GMDS: variants seen among roughly 807,000 people sequenced by gnomAD.
GMDS encodes the protein GDP-mannose 4,6 dehydratase.
A neutral mutation model predicts 49.9 loss-of-function variants in GMDS; 20 were observed. The ratio of observed to expected loss-of-function variants is 0.40; its 90% CI spans 0.28 to 0.58. The LOEUF is 0.58. Ranked by LOEUF, GMDS falls within the 20% of genes least tolerant of loss-of-function variation. The probability of loss-of-function intolerance (pLI) is 0.42; values close to 1 mark genes in which losing one functional copy is unlikely to be tolerated. For synonymous variants in GMDS, 177 were observed against 178.6 expected (o/e 0.99, Z 0.07); for missense variants, 362 against 481.4 (o/e 0.75, Z 2.32).
intron 1 of GMDS, among the ~76,000 whole-genome samples, chr6:2,239,503 C>T (rs1057174104): frequency 3.3e-5 from 5 of 152,098 alleles, no homozygotes; most frequent in Non-Finnish European, 7.4e-5. Flanking sequence ...TAAGAATAAC[C>T]AGGTAACCCT....
chr6:2,170,336 C>G (rs960915733), intron 1 of GMDS, among the ~76,000 whole-genome samples: 1 of 152,050 alleles, frequency 6.6e-6, no homozygotes. Context: ...TAAATAGAAG[C>G]ACAATTAGGC....
Position 2,115,802 on chromosome 6 carries a change from A to G in GMDS, c.314T>C (p.Ile105Thr). 6.2e-7 allele frequency: 1 copy of G among 1,604,716 alleles called. No homozygotes were observed. The highest frequency in any genetic ancestry group is 8.5e-7 in the Non-Finnish European group (1 of 1,171,608). The stretch of plus-strand genomic sequence containing the variant: ...GTGGCTCTGGGCTCCAAGGTTGTAG[A>G]TCTCTGTGGGCTTTACTTCATTAAT... ...KIINEVKPTE[I>T]YNLGAQSHVK... Residue 105 changes from isoleucine to threonine, a missense_variant, in exon 4 of 11, where the codon ATC (isoleucine) becomes ACC (threonine). Transcript: ENST00000380815.
At chr6:1,870,713 T>C (rs1451806649) in intron 7 of GMDS, among the ~76,000 whole-genome samples, 1 of 152,204 alleles carries the variant, frequency 6.6e-6, no homozygotes, top group Non-Finnish European at 1.5e-5. Flanking sequence ...AAGACACACC[T>C]ATGAAGTTTA....
intron 7 of GMDS, among the ~76,000 whole-genome samples, chr6:1,865,269 C>G (rs562113943): frequency 6.6e-6 from 1 of 152,150 alleles, no homozygotes; most frequent in Admixed American, 6.5e-5. Flanking sequence ...TTTCTCCAAC[C>G]TAGCAGATTT....
chr6:1,696,915 A>C (rs1765364859), intron 9 of GMDS, among the ~76,000 whole-genome samples: 1 of 152,236 alleles, frequency 6.6e-6, no homozygotes, highest in Admixed American at 6.5e-5. Context: ...CACTTTTACC[A>C]TCTGTGACCC....
chr6:1,910,323 AAG>A (rs1489624785), intron 7 of GMDS, among the ~76,000 whole-genome samples: 1 of 151,252 alleles, frequency 6.6e-6, no homozygotes, highest in African/African-American at 2.5e-5. Flanking sequence ...TGAAAAAAAA[AAG>A]AAGATGATAC....
chr6:2,135,663 T>C (rs1775959505), intron 1 of GMDS, among the ~76,000 whole-genome samples: 1 of 152,202 alleles, frequency 6.6e-6, no homozygotes, highest in Non-Finnish European at 1.5e-5. Flanking sequence ...ATTCATTCAC[T>C]ACATACTTCT....
chr6:1,957,423 A>G (rs903654118), intron 6 of GMDS, among the ~76,000 whole-genome samples: 2 of 152,252 alleles, frequency 1.3e-5, no homozygotes, highest in Non-Finnish European at 2.9e-5. Flanking sequence ...TTAATGATCA[A>G]GTTTTAAGAA....
chr6:1,753,162 T>C (rs1476068964), intron 7 of GMDS, among the ~76,000 whole-genome samples: 49 of 151,954 alleles, frequency 3.2e-4, no homozygotes, highest in Admixed American at 3.1e-3. Flanking sequence ...AAGACACACA[T>C]AGGCTCAAAA....
intron 1 of GMDS, among the ~76,000 whole-genome samples, chr6:2,145,641 AT>A (rs1430788571): frequency 6.6e-6 from 1 of 152,186 alleles, no homozygotes; most frequent in Admixed American, 6.5e-5. Context: ...CAGATGGAAA[AT>A]ATTCAGAAAA....
At chr6:1,938,920 ACCCTTCCTTCTT>A (rs1561906737) in intron 6 of GMDS, among the ~76,000 whole-genome samples, 1 of 149,422 alleles carries the variant, frequency 6.7e-6, no homozygotes, top group Admixed American at 6.7e-5. Flanking sequence ...CGGCCATTTA[ACCCTTCCTTCTT>A]CCCTTCCTTC....
intron 9 of GMDS, among the ~76,000 whole-genome samples, chr6:1,666,374 C>T (rs985698209): frequency 2.0e-5 from 3 of 152,128 alleles, no homozygotes; most frequent in African/African-American, 7.2e-5. Flanking sequence ...AAGAATATTT[C>T]TTATTTATGG....
intron 8 of GMDS, among the ~76,000 whole-genome samples, chr6:1,732,347 A>G (rs1240092297): frequency 6.6e-6 from 1 of 152,194 alleles, no homozygotes; most frequent in East Asian, 1.9e-4. Context: ...AAATAAAAAT[A>G]AAAAAAGATA....
At chr6:2,124,767 C>T in intron 1 of GMDS, 36 bp from the exon 2 acceptor site, 3 of 1,543,702 alleles carry the variant, frequency 1.9e-6, no homozygotes, top group Non-Finnish European at 2.7e-6. Context: ...ACGTCAGTCT[C>T]ATAGTGGTAT....
At chr6:2,040,977 G>A (rs776447750) in intron 4 of GMDS, among the ~76,000 whole-genome samples, 20 of 152,154 alleles carry the variant, frequency 1.3e-4, no homozygotes, top group South Asian at 4.1e-4. Flanking sequence ...GCAAATAAAC[G>A]TCTACACTTT....
chr6:1,845,601 T>A (rs998900975), intron 7 of GMDS, among the ~76,000 whole-genome samples: 2 of 152,152 alleles, frequency 1.3e-5, no homozygotes, highest in Admixed American at 6.5e-5. Flanking sequence ...GCGGTCCCCA[T>A]CCTTTTTGGC....
intron 7 of GMDS, among the ~76,000 whole-genome samples, chr6:1,920,870 A>C (rs1370961240): frequency 6.6e-6 from 1 of 152,182 alleles, no homozygotes; most frequent in East Asian, 1.9e-4. Context: ...AGCTAACCTA[A>C]GTGTGAACAG....
intron 9 of GMDS, among the ~76,000 whole-genome samples, chr6:1,713,470 A>AC (rs1766052285): frequency 6.7e-6 from 1 of 149,500 alleles, no homozygotes; most frequent in Non-Finnish European, 1.5e-5. Flanking sequence ...CCCACTGCCC[A>AC]CCCCCGCCAG....
chr6:1,796,225 G>A (rs909060830), intron 7 of GMDS, among the ~76,000 whole-genome samples: 9 of 152,108 alleles, frequency 5.9e-5, no homozygotes, highest in Non-Finnish European at 1.0e-4. Flanking sequence ...TAGGCTTACC[G>A]AGATCTGGGA....
Sources: gnomAD v4.1 joint callset for allele counts (sites outside exome capture counted in the v4.1 genomes callset) on GRCh38, gnomAD v4.1.1 for gene constraint, MANE v1.5 for transcripts, NCBI Gene and HGNC (gene_info 2026-07-23, HGNC 2026-07-21) for gene names.